The following LRP1 variants were observed in gnomAD, a reference collection of about 807,000 sequenced individuals.
LRP1 encodes LDL receptor related protein 1.
Under a neutral mutation model 541.5 loss-of-function variants are expected in LRP1, and 51 were observed. That is an observed-to-expected ratio of 0.09 (90% CI 0.08 to 0.12). The LOEUF is 0.12. Ranked by LOEUF, LRP1 falls within the 10% of genes least tolerant of loss-of-function variation. LRP1 has a pLI of 1.00. For synonymous variants in LRP1, 2,219 were observed against 2,470.8 expected, an observed-to-expected ratio of 0.90 and a Z score of 3.02; for missense variants, 3,878 against 6,376.2, an observed-to-expected ratio of 0.61 and a Z score of 13.34.
At position 57,141,965 on chromosome 12, in the gene LRP1, C is replaced by T. The variant is rs545109524; in HGVS notation, c.328+454C>T. ...CCGCCCCTACGGGTGCCCTAGAAGGCATCCCCCAGGAGCTGCAGATCTTTG... is the reference window on the plus strand; with the variant it reads ...CCGCCCCTACGGGTGCCCTAGAAGGTATCCCCCAGGAGCTGCAGATCTTTG... On this transcript the variant is annotated intron_variant, in intron 3 of 88. Transcript: ENST00000243077. 2.0e-5 allele frequency among the ~76,000 whole-genome samples: 3 copies of T among 152,340 alleles called. No homozygotes were observed. In the East Asian group the frequency reaches 5.8e-4, roughly 29 times the overall value.
intron 1 of LRP1, among the ~76,000 whole-genome samples, chr12:57,130,094 C>G (rs565084172): frequency 1.3e-5 from 2 of 152,044 alleles, no homozygotes; most frequent in Non-Finnish European, 2.9e-5. Flanking sequence ...TGGTTCAAGT[C>G]TTGCCCAAGC....
chr12:57,192,826 C>T lies in LRP1; in HGVS notation c.7430-19C>T, dbSNP rs1367246071. The T allele has an allele frequency of 1.2e-6, 2 of 1,613,872 alleles. No individual in the cohort carries two copies. Among genetic ancestry groups the T allele is most frequent in the African/African-American group, 1.3e-5 (1 of 74,936 alleles). On this transcript the variant is annotated intron_variant, in intron 44 of 88. Transcript: ENST00000243077. ...CAGAGAACACTCTCCAGCCCTGCGC[C>T]CACCCTGTCCCTGCTCAGGTGAACT...
intron 22 of LRP1, among the ~76,000 whole-genome samples, chr12:57,174,244 G>A (rs570175676): frequency 1.3e-5 from 2 of 152,228 alleles, no homozygotes; most frequent in Non-Finnish European, 2.9e-5. Flanking sequence ...ACAGATGGGA[G>A]CACTGAGGCA....
chr12:57,130,409 A>C (rs1244990052), intron 1 of LRP1, among the ~76,000 whole-genome samples: 1 of 151,004 alleles, frequency 6.6e-6, no homozygotes, highest in Non-Finnish European at 1.5e-5. Flanking sequence ...CATCTTGGGG[A>C]CTCTCTACCC....
chr12:57,137,397 G>A (rs746699227), intron 1 of LRP1, among the ~76,000 whole-genome samples: 43 of 152,136 alleles, frequency 2.8e-4, no homozygotes, highest in Non-Finnish European at 5.4e-4. Context: ...AGTTGGACTG[G>A]ACTGAAACCA....
At position 57,159,998 on chromosome 12, in the gene LRP1, C is replaced by G. The variant is rs2035695248; in HGVS notation, c.1972C>G (p.Leu658Val). The stretch of plus-strand genomic sequence containing the variant: ...CCCCAGGGCTATTGTGGTGGATCCA[C>G]TCAATGGGTGAGTCCTCCCAGGCCT... ...THPRAIVVDPLNGWMYWTDWE... is the reference protein window; with the variant it reads ...THPRAIVVDPVNGWMYWTDWE... The change falls in exon 12 of 89, where the codon CTC becomes GTC. Residue 658 changes from leucine (L) to valine (V), a missense_variant. Around this residue, in one of 13 missense-constraint regions of LRP1, gnomAD observed 496 missense variants for 861.0 expected, o/e 0.58. Coordinates refer to ENST00000243077, the MANE Select transcript of LRP1 (RefSeq NM_002332.3). 6.2e-7 allele frequency: 1 copy of G among 1,613,910 alleles called. No individual in the cohort carries two copies. The highest frequency in any genetic ancestry group is 1.7e-5 in the Admixed American group (1 of 59,998).
At chr12:57,153,181 C>T (rs926448141) in intron 6 of LRP1, among the ~76,000 whole-genome samples, 9 of 152,100 alleles carry the variant, frequency 5.9e-5, no homozygotes, top group Non-Finnish European at 1.0e-4. Flanking sequence ...TTGCAAGAGG[C>T]ACCATCTCTG....
At chr12:57,166,343 C>T in intron 17 of LRP1, 134 bp downstream of exon 17, 2 of 1,236,396 alleles carry the variant, frequency 1.6e-6, no homozygotes, top group Non-Finnish European at 2.2e-6. Context: ...TCACTTGAGC[C>T]CAGGAGCTCA....
chr12:57,180,243 G>A lies in LRP1; in HGVS notation c.5237-87G>A, dbSNP rs984019873. ...GCCCCTCAGCCTCCCCAGAGCCCTA[G>A]CTTAGTGCCTGTTCTCACCATCTGC... On this transcript the variant is annotated intron_variant, in intron 31 of 88. Transcript: ENST00000243077. 4 of 1,583,880 alleles carry A rather than the reference G, an allele frequency of 2.5e-6. No individual in the cohort carries two copies. In the Admixed American group the frequency reaches 5.0e-5, roughly 20 times the overall value.
chr12:57,162,170 T>A lies in LRP1; in HGVS notation c.2203-147T>A. 1.4e-6 allele frequency: 1 copy of A among 710,906 alleles called. No individual in the cohort carries two copies. The highest frequency in any genetic ancestry group is 2.6e-5 in the East Asian group (1 of 38,100). 44.0% of individuals were successfully genotyped at this position (710,906 alleles called of 1,614,324 possible). A position where few individuals can be genotyped will look rare whatever the true frequency, so the allele number is the denominator to read the frequency against. On this transcript the variant is annotated intron_variant, in intron 13 of 88. Coordinates refer to ENST00000243077, the MANE Select transcript of LRP1 (RefSeq NM_002332.3). This position sits in a 1 kb window ranked among gnomAD's most constrained non-coding sequence, Gnocchi z 5.2. The stretch of plus-strand genomic sequence containing the variant: ...TCTACCATCCCACTGTGTGCAAAAC[T>A]ATCACTCTCTGGGGCTCCCAGGCTA...
rs767029005 is a variant in LRP1, at chr12:57,162,534, TGG to T, written c.2404+20_2404+21del. ...CAGCAGCAAGGTACCTCCTTGGGGC[TGG>T]GGGCAGCGTGGGACCTGGAAGGGGT... On this transcript the variant is annotated intron_variant, in intron 14 of 88. Coordinates refer to ENST00000243077, the MANE Select transcript of LRP1 (RefSeq NM_002332.3). The surrounding 1 kb of genome is among the most constrained non-coding windows in gnomAD (Gnocchi z 5.2). 275 of 1,612,850 alleles carry T rather than the reference TGG, an allele frequency of 1.7e-4. No homozygotes were observed. The highest frequency in any genetic ancestry group is 2.2e-4 in the Non-Finnish European group (261 of 1,179,866).
chr12:57,162,413 C>A lies in LRP1; in HGVS notation c.2299C>A (p.Arg767Ser), dbSNP rs779629494. 6.2e-7 allele frequency: 1 copy of A among 1,614,018 alleles called. No homozygotes were observed. The highest frequency in any genetic ancestry group is 8.5e-7 in the Non-Finnish European group (1 of 1,180,026). Residue 767 changes from arginine (R) to serine (S), a missense_variant, in exon 14 of 89, where the codon CGC becomes AGC. This residue lies in a region of LRP1 where 496 missense variants were observed against 861.0 expected (regional missense o/e 0.58). Coordinates refer to ENST00000243077, the MANE Select transcript of LRP1 (RefSeq NM_002332.3). The surrounding 1 kb of genome is among the most constrained non-coding windows in gnomAD (Gnocchi z 5.2). ...TGAGTATCGGAGTGGCAGTGTCTAC[C>A]GCTTGGAACGGGGTGTAGGAGGCGC... The part of the protein sequence containing the change: ...WTEYRSGSVY[R>S]LERGVGGAPP...
chr12:57,193,913 G>T lies in LRP1; in HGVS notation c.7819G>T (p.Val2607Leu). The change falls in exon 48 of 89, where the codon GTG becomes TTG. Residue 2607 changes from valine to leucine, a missense_variant. By Grantham distance (32) the Val-to-Leu change is conservative (BLOSUM62 1). Around this residue, in one of 13 missense-constraint regions of LRP1, gnomAD observed 1,100 missense variants for 1,827.4 expected, o/e 0.60. Transcript: ENST00000243077. ...EIPCNKTACGVGEFRCRDGTC... is the reference protein window; with the variant it reads ...EIPCNKTACGLGEFRCRDGTC... ...CACTGTTCTAGAGACAGCCTGTGGTGTGGGCGAGTTCCGCTGCCGGGACGG... is the reference window on the plus strand; with the variant it reads ...CACTGTTCTAGAGACAGCCTGTGGTTTGGGCGAGTTCCGCTGCCGGGACGG... 1 of 1,614,088 alleles carries T rather than the reference G, an allele frequency of 6.2e-7. No individual in the cohort carries two copies. The highest frequency in any genetic ancestry group is 2.2e-5 in the East Asian group (1 of 44,886).
intron 76 of LRP1, among the ~76,000 whole-genome samples, chr12:57,207,295 C>T (rs939235051): frequency 2.0e-5 from 1 of 49,314 alleles, no homozygotes; most frequent in Non-Finnish European, 4.6e-5. Flanking sequence ...GAGACTCGGT[C>T]TCTAAATAAA....
chr12:57,202,782 C>T lies in LRP1; in HGVS notation c.10711+245C>T, dbSNP rs1236664677. On this transcript the variant is annotated intron_variant, in intron 68 of 88. Coordinates refer to ENST00000243077, the MANE Select transcript of LRP1 (RefSeq NM_002332.3). ...TGCAGAGGTAGGTGTCTCTGATGTG[C>T]CCGTGCTCCCACCATACCCCCACCT... 1.2e-5 allele frequency: 7 copies of T among 589,630 alleles called. 1 individual carries two copies. Among genetic ancestry groups the T allele is most frequent in the Middle Eastern group, 4.5e-4 (1 of 2,218 alleles). 36.5% of individuals were successfully genotyped at this position (589,630 alleles called of 1,614,324 possible).
chr12:57,191,682 C>T (rs1399469927), intron 44 of LRP1, among the ~76,000 whole-genome samples, 170 bp downstream of exon 44: 2 of 123,946 alleles, frequency 1.6e-5, no homozygotes, highest in African/African-American at 6.1e-5. Context: ...CACACCACAC[C>T]CCTCCCACAC....
In LRP1 at chr12:57,212,841, C is replaced by G; in HGVS notation, c.*286C>G. The G allele has an allele frequency of 2.8e-6, 1 of 363,054 alleles. No homozygotes were observed. Among genetic ancestry groups the G allele is most frequent in the Non-Finnish European group, 5.0e-6 (1 of 200,354 alleles). The allele number at this position is 363,054 out of a possible 1,614,324, so 22.5% of individuals were successfully genotyped here. Reference sequence around the variant, plus strand: ...TACCCTCCCACCAGAACGCACCCCACTGGGAGAGCTGGTGGTGCAGCCTTC... The same window carrying G: ...TACCCTCCCACCAGAACGCACCCCAGTGGGAGAGCTGGTGGTGCAGCCTTC... On this transcript the variant is annotated 3_prime_UTR_variant, in exon 89 of 89. Coordinates refer to ENST00000243077, the MANE Select transcript of LRP1 (RefSeq NM_002332.3). This position sits in a 1 kb window ranked among gnomAD's most constrained non-coding sequence, Gnocchi z 5.0.
intron 22 of LRP1, among the ~76,000 whole-genome samples, chr12:57,174,698 G>A (rs1457852955): frequency 1.3e-5 from 2 of 152,204 alleles, no homozygotes; most frequent in African/African-American, 2.4e-5. Flanking sequence ...CTGGGAGGCG[G>A]AGGTTGCAGT....
chr12:57,140,980 C>T (rs1472585528), intron 2 of LRP1, among the ~76,000 whole-genome samples: 4 of 152,046 alleles, frequency 2.6e-5, no homozygotes, highest in Admixed American at 6.6e-5. Context: ...GTGATCTGCC[C>T]GCCTCAGCCT....
Sources: allele counts gnomAD v4.1 joint callset (sites outside exome capture counted in the v4.1 genomes callset), GRCh38; gene constraint gnomAD v4.1.1; regional missense constraint gnomAD v4.1.1; non-coding constraint Gnocchi (gnomAD v3.1); transcripts MANE v1.5; gene names NCBI Gene and HGNC (gene_info 2026-07-23, HGNC 2026-07-21).